Variants in FBXO28 observed in about 807,000 individuals in gnomAD.
FBXO28 encodes the protein F-box only protein 28.
A neutral mutation model predicts 38.1 loss-of-function variants in FBXO28; 8 were observed. The ratio of observed to expected loss-of-function variants is 0.21; its 90% CI spans 0.12 to 0.38. FBXO28 has a LOEUF of 0.38. FBXO28 is among the 10% of genes least tolerant of loss of function. The probability of loss-of-function intolerance (pLI) is 1.00; values close to 1 mark genes in which losing one functional copy is unlikely to be tolerated. For synonymous variants in FBXO28, 168 were observed against 173.8 expected (o/e 0.97, Z 0.26); for missense variants, 345 against 460.6 (o/e 0.75, Z 2.30).
In FBXO28 at chr1:224,158,788, A is replaced by T. The variant is rs1337442168; in HGVS notation, c.*1042A>T. The T allele has an allele frequency of 2.0e-5, 3 of 152,550 alleles. No individual in the cohort carries two copies. The highest frequency in any genetic ancestry group is 4.4e-5 in the Non-Finnish European group (3 of 68,034). The allele number at this position is 152,550 out of a possible 1,614,324, so 9.4% of individuals were successfully genotyped here. On this transcript the variant is annotated 3_prime_UTR_variant, in exon 5 of 5. Coordinates refer to ENST00000366862, the MANE Select transcript of FBXO28 (RefSeq NM_015176.4). ...GTGAGTAGGGGACTCGACTTGCGGG[A>T]TGCAGTTTTGCCATTGCAGCAAAGT...
intron 3 of FBXO28, among the ~76,000 whole-genome samples, chr1:224,150,962 A>G (rs553246833): frequency 6.6e-6 from 1 of 152,268 alleles, no homozygotes; most frequent in South Asian, 2.1e-4. Context: ...TCAATACTTG[A>G]ATAATGTTTA....
rs558670485 is a variant in FBXO28 at position 224,157,924 on chromosome 1, T to C, written c.*178T>C. On this transcript the variant is annotated 3_prime_UTR_variant, in exon 5 of 5. Coordinates refer to ENST00000366862, the MANE Select transcript of FBXO28 (RefSeq NM_015176.4). ...TTCCTGCTTCTCCTGATTGAACTGA[T>C]GCACAGAATCTTTTTACTTTGCAAT... The C allele has an allele frequency of 1.4e-6, 2 of 1,410,602 alleles. No individual in the cohort carries two copies. The highest frequency in any genetic ancestry group is 2.6e-4 in the Middle Eastern group (1 of 3,828). 87.4% of individuals were successfully genotyped at this position (1,410,602 alleles called of 1,614,324 possible).
At chr1:224,133,871 A>G (rs1019846533) in intron 2 of FBXO28, among the ~76,000 whole-genome samples, 2 of 151,892 alleles carry the variant, frequency 1.3e-5, no homozygotes, top group African/African-American at 2.4e-5. Flanking sequence ...GTTTTCAAAT[A>G]TTTTGTCAAT....
chr1:224,139,299 A>T (rs1338079649), intron 3 of FBXO28, among the ~76,000 whole-genome samples: 1 of 151,632 alleles, frequency 6.6e-6, no homozygotes, highest in Admixed American at 6.6e-5. Flanking sequence ...AAATTTTTTT[A>T]TTCTTTTTTT....
At chr1:224,119,769 C>T (rs1483338451) in intron 1 of FBXO28, among the ~76,000 whole-genome samples, 1 of 151,878 alleles carries the variant, frequency 6.6e-6, no homozygotes, top group Admixed American at 6.6e-5. Flanking sequence ...AAGAGCATTC[C>T]CAGCAGAAAA....
intron 3 of FBXO28, among the ~76,000 whole-genome samples, chr1:224,137,587 A>G (rs146657160): frequency 6.6e-6 from 1 of 151,972 alleles, no homozygotes; most frequent in East Asian, 1.9e-4. Flanking sequence ...TTAGGGGAGA[A>G]GACAGTAGCA....
intron 1 of FBXO28, among the ~76,000 whole-genome samples, chr1:224,122,591 CTTT>C (rs796184071): frequency 6.9e-6 from 1 of 145,620 alleles, no homozygotes; most frequent in Non-Finnish European, 1.5e-5. Flanking sequence ...ATGCCATTGA[CTTT>C]TTTTTTTTTA....
At chr1:224,133,760 C>G (rs912456522) in intron 2 of FBXO28, among the ~76,000 whole-genome samples, 2 of 152,194 alleles carry the variant, frequency 1.3e-5, no homozygotes, top group African/African-American at 4.8e-5. Flanking sequence ...ATCCACCCGC[C>G]TCAGCCTCCT....
rs971149636 is a variant in FBXO28 at position 224,118,523 on chromosome 1, A to G, written c.267+4127A>G. On this transcript the variant is annotated intron_variant, in intron 1 of 4. Coordinates refer to ENST00000366862, the MANE Select transcript of FBXO28 (RefSeq NM_015176.4). Reference sequence around the variant, plus strand: ...CCTATTTTCTGGAATGAAATTTTCCAGTCAGCAACAAAATACATAAATACG... The same window carrying G: ...CCTATTTTCTGGAATGAAATTTTCCGGTCAGCAACAAAATACATAAATACG... 3.9e-5 allele frequency among the ~76,000 whole-genome samples: 6 copies of G among 152,354 alleles called. No homozygotes were observed. The East Asian group carries it at 7.7e-4, about 20-fold the overall frequency.
At chr1:224,135,625 A>AAAG (rs1553289996) in intron 3 of FBXO28, among the ~76,000 whole-genome samples, 1 of 122,128 alleles carries the variant, frequency 8.2e-6, no homozygotes, top group East Asian at 2.4e-4. Context: ...AAAAAAAAAA[A>AAAG]AAAAAAAAAA....
chr1:224,125,113 CT>C (rs75177885), intron 1 of FBXO28, among the ~76,000 whole-genome samples: 371 of 144,266 alleles, frequency 2.6e-3, no homozygotes, highest in African/African-American at 5.6e-3. Context: ...AATAATTTTT[CT>C]TTTTTTTTTT....
intron 3 of FBXO28, among the ~76,000 whole-genome samples, chr1:224,139,145 A>G (rs112700467): frequency 5.3e-5 from 8 of 151,832 alleles, no homozygotes; most frequent in African/African-American, 9.7e-5. Context: ...TTGAAACACA[A>G]TGGTCCCCAA....
intron 1 of FBXO28, among the ~76,000 whole-genome samples, chr1:224,119,927 C>G (rs1347715513): frequency 6.6e-6 from 1 of 152,128 alleles, no homozygotes; most frequent in Admixed American, 6.6e-5. Context: ...TTTCACAGAC[C>G]AGTCAGATTT....
intron 4 of FBXO28, 143 bp downstream of exon 4, chr1:224,153,480 A>G (rs533680073): frequency 1.5e-5 from 9 of 596,754 alleles, no homozygotes; most frequent in Non-Finnish European, 2.0e-5. Context: ...ATTATCAACC[A>G]TAACTTACAC....
intron 3 of FBXO28, among the ~76,000 whole-genome samples, chr1:224,141,597 G>C (rs540591407): frequency 8.5e-5 from 13 of 152,126 alleles, no homozygotes; most frequent in Non-Finnish European, 1.9e-4. Context: ...AACCTAGATG[G>C]TTCTTACACA....
chr1:224,159,095 A>C lies in FBXO28; in HGVS notation c.*1349A>C, dbSNP rs913652156. On this transcript the variant is annotated 3_prime_UTR_variant, in exon 5 of 5. Coordinates refer to ENST00000366862, the MANE Select transcript of FBXO28 (RefSeq NM_015176.4). ...TGAGACATTCAATTATCACTGTCTT[A>C]GTTGTATTTTAATTTACTAAATTAT... 1.2e-4 allele frequency: 18 copies of C among 152,524 alleles called. No individual in the cohort carries two copies. Among genetic ancestry groups the C allele is most frequent in the African/African-American group, 4.3e-4 (18 of 41,432 alleles). The allele number at this position is 152,524 out of a possible 1,614,324, so 9.4% of individuals were successfully genotyped here.
At chr1:224,154,918 C>T (rs945588984) in intron 4 of FBXO28, among the ~76,000 whole-genome samples, 11 of 146,940 alleles carry the variant, frequency 7.5e-5, no homozygotes, top group African/African-American at 1.0e-4. Flanking sequence ...GCGGAGGTTG[C>T]GGTGAGCCAA....
chr1:224,130,763 G>A (rs1657020684), intron 2 of FBXO28, 182 bp downstream of exon 2: 1 of 492,602 alleles, frequency 2.0e-6, no homozygotes, highest in Admixed American at 3.6e-5. Flanking sequence ...ACATTTTACT[G>A]GAGGTTCTAG....
chr1:224,122,360 C>T (rs1460644187), intron 1 of FBXO28, among the ~76,000 whole-genome samples: 1 of 152,128 alleles, frequency 6.6e-6, no homozygotes, highest in Admixed American at 6.6e-5. Context: ...TTTTACCAAA[C>T]CATTTGAAAG....
Sources: gnomAD v4.1 joint callset for allele counts (sites outside exome capture counted in the v4.1 genomes callset) on GRCh38, gnomAD v4.1.1 for gene constraint, MANE v1.5 for transcripts, NCBI Gene and HGNC (gene_info 2026-07-23, HGNC 2026-07-21) for gene names.